KCNQ5: variants seen among roughly 807,000 people sequenced by gnomAD.
KCNQ5 encodes potassium voltage-gated channel subfamily Q member 5.
In KCNQ5, 30 loss-of-function variants were observed where a neutral mutation model predicts 98.2. The observed-to-expected ratio is 0.31, with a 90% CI of 0.23 to 0.41. The LOEUF is 0.41. KCNQ5 is among the 10% of genes least tolerant of loss of function. The pLI is 1.00. For synonymous variants in KCNQ5, 458 were observed against 449.4 expected (o/e 1.02, Z -0.24); for missense variants, 835 against 1,182.5 (o/e 0.71, Z 4.31).
At chr6:72,779,071 T>C (rs192874982) in intron 1 of KCNQ5, among the ~76,000 whole-genome samples, 1 of 152,190 alleles carries the variant, frequency 6.6e-6, no homozygotes, top group African/African-American at 2.4e-5. Context: ...TTTGAAAGTG[T>C]GGATGAAATT....
chr6:72,867,369 T>C (rs1778029920), intron 1 of KCNQ5, among the ~76,000 whole-genome samples: 1 of 152,224 alleles, frequency 6.6e-6, no homozygotes, highest in Non-Finnish European at 1.5e-5. Flanking sequence ...TTAACAACTT[T>C]CTTTGGTCTT....
chr6:73,065,480 A>G (rs1773007045), intron 3 of KCNQ5, among the ~76,000 whole-genome samples: 1 of 152,178 alleles, frequency 6.6e-6, no homozygotes. Flanking sequence ...TTCCTCTCTG[A>G]CATCTGGCTT....
At chr6:73,001,836 T>C (rs905048801) in intron 1 of KCNQ5, among the ~76,000 whole-genome samples, 3 of 152,190 alleles carry the variant, frequency 2.0e-5, no homozygotes, top group Admixed American at 2.0e-4. Flanking sequence ...CCTGAATCAT[T>C]AGATGCATGA....
intron 1 of KCNQ5, among the ~76,000 whole-genome samples, chr6:72,673,706 G>A (rs1357041000): frequency 6.6e-6 from 1 of 152,146 alleles, no homozygotes; most frequent in African/African-American, 2.4e-5. Context: ...CCTTTGGACT[G>A]TGGAAATTGG....
At chr6:72,681,043 T>C (rs973757767) in intron 1 of KCNQ5, among the ~76,000 whole-genome samples, 12 of 152,216 alleles carry the variant, frequency 7.9e-5, no homozygotes, top group Admixed American at 7.9e-4. Context: ...AGTAAAAAAG[T>C]GTGGAAGGGC....
chr6:72,910,671 C>T (rs1779908338), intron 1 of KCNQ5, among the ~76,000 whole-genome samples: 1 of 151,610 alleles, frequency 6.6e-6, no homozygotes, highest in Admixed American at 6.6e-5. Flanking sequence ...TTACCTGGAC[C>T]TCCTTCTCTT....
Position 72,979,486 on chromosome 6 carries a change from T to C in KCNQ5, c.399-24422T>C, listed in dbSNP as rs189337342. Among the ~76,000 whole-genome samples the C allele has an allele frequency of 2.8e-3, 431 of 152,352 alleles. 5 individuals are homozygous for C. The highest frequency in any genetic ancestry group is 0.025 in the East Asian group (132 of 5,188). Reference sequence around the variant, plus strand: ...CATAAATATCTTCTTTTGAGAAGTGTCTGTTCATATCCTTTGCCCACTTCT... The same window carrying C: ...CATAAATATCTTCTTTTGAGAAGTGCCTGTTCATATCCTTTGCCCACTTCT... On this transcript the variant is annotated intron_variant, in intron 1 of 13. Transcript: ENST00000370398.
intron 1 of KCNQ5, among the ~76,000 whole-genome samples, chr6:72,680,057 T>A (rs544161502): frequency 1.8e-3 from 281 of 152,194 alleles, no homozygotes; most frequent in Non-Finnish European, 3.3e-3. Context: ...ATAAAAAAAA[T>A]TTTAAAAAGT....
At chr6:72,924,218 A>G (rs1780526619) in intron 1 of KCNQ5, among the ~76,000 whole-genome samples, 1 of 152,190 alleles carries the variant, frequency 6.6e-6, no homozygotes, top group African/African-American at 2.4e-5. Context: ...AACAATTTCC[A>G]ATGCAGCTGA....
intron 1 of KCNQ5, among the ~76,000 whole-genome samples, chr6:72,761,327 GA>G (rs1772259313): frequency 6.6e-6 from 1 of 151,910 alleles, no homozygotes; most frequent in African/African-American, 2.4e-5. Flanking sequence ...CAAAAAGCAA[GA>G]ATACAATAGA....
At chr6:72,655,909 A>T (rs1766167701) in intron 1 of KCNQ5, among the ~76,000 whole-genome samples, 1 of 152,170 alleles carries the variant, frequency 6.6e-6, no homozygotes, top group African/African-American at 2.4e-5. Context: ...TGAAAGTCTG[A>T]ACCAGCATGG....
chr6:73,151,405 T>C (rs1460798686), intron 10 of KCNQ5, among the ~76,000 whole-genome samples: 3 of 152,230 alleles, frequency 2.0e-5, no homozygotes, highest in Non-Finnish European at 4.4e-5. Flanking sequence ...ATTTCACTCT[T>C]TTTTCACTCT....
chr6:72,946,527 T>C (rs1766554290), intron 1 of KCNQ5, among the ~76,000 whole-genome samples: 2 of 152,174 alleles, frequency 1.3e-5, no homozygotes, highest in South Asian at 2.1e-4. Flanking sequence ...AGAAGTGTTA[T>C]GTTTTTATGT....
chr6:72,798,623 T>C (rs1233486848), intron 1 of KCNQ5, among the ~76,000 whole-genome samples: 1 of 152,160 alleles, frequency 6.6e-6, no homozygotes, highest in Non-Finnish European at 1.5e-5. Flanking sequence ...CAGTCTCAGG[T>C]ATTCTGTTAC....
chr6:73,160,321 C>T lies in KCNQ5; in HGVS notation c.1469-9425C>T, dbSNP rs912949682. The stretch of plus-strand genomic sequence containing the variant: ...GTGAGCCACCGCGCCCGGCCTTCCG[C>T]TATGTTTTTGACAATTGGGTTTTAT... On this transcript the variant is annotated intron_variant, in intron 10 of 13. Coordinates refer to ENST00000370398, the MANE Select transcript of KCNQ5 (RefSeq NM_019842.4). 2.6e-5 allele frequency among the ~76,000 whole-genome samples: 4 copies of T among 152,230 alleles called. No individual in the cohort carries two copies. In the South Asian group the frequency reaches 8.3e-4, roughly 32 times the overall value.
rs144493797 is a variant in KCNQ5 at position 73,191,354 on chromosome 6, G to A, written c.1709+650G>A. Among the ~76,000 whole-genome samples, 26 of 151,988 alleles carry A rather than the reference G, an allele frequency of 1.7e-4. No individual in the cohort carries two copies. The East Asian group carries it at 2.3e-3, about 14-fold the overall frequency. On this transcript the variant is annotated intron_variant, in intron 12 of 13. Transcript: ENST00000370398. ...GAGGTCCTTCATTCATGTCCTGTAC[G>A]GTTCTACAAATATACTATCCTCCTA...
intron 2 of KCNQ5, among the ~76,000 whole-genome samples, chr6:73,035,273 A>T (rs1167672704): frequency 6.6e-6 from 1 of 152,198 alleles, no homozygotes. Flanking sequence ...GAGTGATAAA[A>T]ATAATACACA....
At chr6:73,099,422 GA>G (rs1774667780) in intron 5 of KCNQ5, among the ~76,000 whole-genome samples, 1 of 152,056 alleles carries the variant, frequency 6.6e-6, no homozygotes, top group African/African-American at 2.4e-5. Flanking sequence ...ATGATCTGTT[GA>G]CTACAAGAAA....
intron 10 of KCNQ5, among the ~76,000 whole-genome samples, chr6:73,166,154 C>T (rs565087143): frequency 6.2e-4 from 95 of 152,048 alleles, no homozygotes; most frequent in African/African-American, 2.2e-3. Context: ...ACACTCAGGC[C>T]GGGCGTGGTG....
Sources: allele counts gnomAD v4.1 joint callset (sites outside exome capture counted in the v4.1 genomes callset), GRCh38; gene constraint gnomAD v4.1.1; transcripts MANE v1.5; gene names NCBI Gene and HGNC (gene_info 2026-07-23, HGNC 2026-07-21).